Variants in TBC1D15 observed in about 807,000 individuals in gnomAD.
TBC1D15 encodes the protein GAP for RAB7.
TBC1D15 carries 39 observed loss-of-function variants against 95.4 expected under a neutral mutation model. The ratio of observed to expected loss-of-function variants is 0.41; its 90% confidence interval spans 0.32 to 0.53. The LOEUF (loss-of-function observed/expected upper bound fraction) is 0.53, where lower values mean the gene tolerates loss of function less well. TBC1D15 is among the 20% of genes least tolerant of loss of function. The pLI is 0.29. For synonymous variants in TBC1D15, 258 were observed against 261.3 expected (o/e 0.99, Z 0.12); for missense variants, 733 against 794.3 (o/e 0.92, Z 0.93).
rs1898162124 is a variant in TBC1D15, at chr12:71,896,297, G to T, written c.984+222G>T. 1.6e-5 allele frequency: 7 copies of T among 446,174 alleles called. No individual in the cohort carries two copies. In the Admixed American group the frequency reaches 2.3e-4, roughly 15 times the overall value. 27.6% of individuals were successfully genotyped at this position (446,174 alleles called of 1,614,324 possible). A position where few individuals can be genotyped will look rare whatever the true frequency, so the allele number is the denominator to read the frequency against. On this transcript the variant is annotated intron_variant, in intron 8 of 16. Transcript: ENST00000485960. ...TGAGGTGCTTATGATGTTCCTGGGG[G>T]TTGGGTAGACCCTTAACTCTGGGGG...
chr12:71,922,952 T>C, intron 16 of TBC1D15, 31 bp from the exon 17 acceptor site: 2 of 1,604,454 alleles, frequency 1.2e-6, no homozygotes, highest in Non-Finnish European at 1.7e-6. Flanking sequence ...TGTAGTGAAA[T>C]ATGGTTTTGA....
chr12:71,890,509 C>G (rs928345870), intron 5 of TBC1D15, among the ~76,000 whole-genome samples: 1 of 152,138 alleles, frequency 6.6e-6, no homozygotes, highest in African/African-American at 2.4e-5. Context: ...TCTTCCCAAT[C>G]TACTTCCTAG....
intron 14 of TBC1D15, 46 bp from the exon 15 acceptor site, chr12:71,920,681 ATGTT>A: frequency 7.6e-7 from 1 of 1,317,740 alleles, no homozygotes; most frequent in Non-Finnish European, 1.1e-6. Flanking sequence ...TGTGAGGAAA[ATGTT>A]TTAGAATTGA....
intron 1 of TBC1D15, among the ~76,000 whole-genome samples, chr12:71,852,821 A>G (rs77366339): frequency 0.024 from 3,709 of 152,222 alleles, 138 homozygotes; most frequent in African/African-American, 0.085. Flanking sequence ...CACTCTCCGT[A>G]TCACTGCCAG....
chr12:71,853,351 C>A (rs1170386047), intron 1 of TBC1D15, among the ~76,000 whole-genome samples: 1 of 152,166 alleles, frequency 6.6e-6, no homozygotes, highest in Admixed American at 6.5e-5. Flanking sequence ...GGCCCTGCCT[C>A]CAACATTGGG....
At chr12:71,922,066 C>T (rs181583867) in intron 16 of TBC1D15, among the ~76,000 whole-genome samples, 43 of 152,066 alleles carry the variant, frequency 2.8e-4, no homozygotes, top group Non-Finnish European at 5.4e-4. Context: ...AGTGCATGCA[C>T]ACCACTGTGC....
intron 16 of TBC1D15, 26 bp from the exon 17 acceptor site, chr12:71,922,956 GT>G (rs746411164): frequency 6.2e-7 from 1 of 1,609,498 alleles, no homozygotes; most frequent in Non-Finnish European, 8.5e-7. Context: ...GTGAAATATG[GT>G]TTTGAGTTTG....
chr12:71,894,257 C>A, intron 6 of TBC1D15: 1 of 1,282,404 alleles, frequency 7.8e-7, no homozygotes, highest in Non-Finnish European at 1.1e-6. Context: ...TTAAATTTAG[C>A]CATCAAATAT....
intron 5 of TBC1D15, among the ~76,000 whole-genome samples, chr12:71,890,166 A>T (rs1251192446): frequency 6.6e-6 from 1 of 152,198 alleles, no homozygotes; most frequent in East Asian, 1.9e-4. Flanking sequence ...CAAATTTTTA[A>T]GTTAAAGTTC....
chr12:71,895,936 C>G lies in TBC1D15; in HGVS notation c.856-11C>G. 1 of 1,607,716 alleles carries G rather than the reference C, an allele frequency of 6.2e-7. No homozygotes were observed. The highest frequency in any genetic ancestry group is 8.5e-7 in the Non-Finnish European group (1 of 1,176,494). On this transcript the variant is annotated splice_polypyrimidine_tract_variant and intron_variant, in intron 7 of 16. Transcript: ENST00000485960. ...AAATATGTACTTATTATTGCTTAATCTTATTTTTAGATTGATTTGGGGGAA... is the reference window on the plus strand; with the variant it reads ...AAATATGTACTTATTATTGCTTAATGTTATTTTTAGATTGATTTGGGGGAA...
chr12:71,903,769 C>T (rs1244030707), intron 10 of TBC1D15, among the ~76,000 whole-genome samples: 3 of 152,172 alleles, frequency 2.0e-5, no homozygotes, highest in Non-Finnish European at 4.4e-5. Context: ...AAAACCAATA[C>T]CACATGTTCT....
In TBC1D15 at chr12:71,843,190, A is replaced by G. The variant is rs187156228; in HGVS notation, c.30+3379A>G. On this transcript the variant is annotated intron_variant, in intron 1 of 16. Coordinates refer to ENST00000485960, the MANE Select transcript of TBC1D15 (RefSeq NM_001146213.3). ...CAGGTACTCAGGAGGCTAAGGCAGG[A>G]GAATCGCTTGAAACCAGTGCAGTGA... Among the ~76,000 whole-genome samples the G allele has an allele frequency of 2.6e-5, 4 of 152,274 alleles. No homozygotes were observed. The East Asian group carries it at 7.7e-4, about 29-fold the overall frequency.
At chr12:71,880,343 G>T in intron 3 of TBC1D15, 126 bp from the exon 4 acceptor site, 11 of 593,778 alleles carry the variant, frequency 1.9e-5, no homozygotes, top group African/African-American at 2.0e-5. Context: ...TATAGGAAAT[G>T]GTGTTCAGTT....
chr12:71,883,072 A>G (rs1321812818), intron 4 of TBC1D15, among the ~76,000 whole-genome samples: 3 of 152,022 alleles, frequency 2.0e-5, no homozygotes, highest in African/African-American at 4.8e-5. Context: ...ACTCTGTGCA[A>G]CGAAGAATTT....
At chr12:71,841,302 C>T (rs1884937759) in intron 1 of TBC1D15, 1 of 152,182 alleles carries the variant, frequency 6.6e-6, no homozygotes, top group South Asian at 2.1e-4. Flanking sequence ...ATTTTTCACT[C>T]TTTGCAGCCA....
At chr12:71,899,794 G>A (rs1022539185) in intron 10 of TBC1D15, among the ~76,000 whole-genome samples, 1 of 152,016 alleles carries the variant, frequency 6.6e-6, no homozygotes, top group Non-Finnish European at 1.5e-5. Flanking sequence ...TAGTAGAGGA[G>A]GTAAAAAGAA....
intron 1 of TBC1D15, chr12:71,861,529 C>A: frequency 6.7e-7 from 1 of 1,490,226 alleles, no homozygotes; most frequent in Non-Finnish European, 8.9e-7. Context: ...CTTTGTATTT[C>A]TGTGGTATGT....
intron 1 of TBC1D15, among the ~76,000 whole-genome samples, chr12:71,862,551 T>G (rs1890610239): frequency 1.3e-5 from 2 of 152,234 alleles, no homozygotes; most frequent in Non-Finnish European, 2.9e-5. Flanking sequence ...AGTGAGTTTC[T>G]CGTTAGCAGC....
rs182780639 is a variant in TBC1D15 at position 71,871,914 on chromosome 12, G to A, written c.31-156G>A. On this transcript the variant is annotated intron_variant, in intron 1 of 16. Transcript: ENST00000485960. ...TTTATGTTTGCTTGATTGAAGTGCT[G>A]TTAACTCTGAGAGGTATTTTTTTAA... Among the ~76,000 whole-genome samples the A allele has an allele frequency of 2.6e-5, 4 of 152,220 alleles. No homozygotes were observed. In the East Asian group the frequency reaches 7.7e-4, roughly 29 times the overall value.
Sources: gnomAD v4.1 joint callset for allele counts (sites outside exome capture counted in the v4.1 genomes callset) on GRCh38, gnomAD v4.1.1 for gene constraint, MANE v1.5 for transcripts, NCBI Gene and HGNC (gene_info 2026-07-23, HGNC 2026-07-21) for gene names.